The following PLD5 variants were observed in gnomAD, a reference collection of about 807,000 sequenced individuals.
The protein encoded by PLD5 is phospholipase D family member 5.
Under a neutral mutation model 61.1 loss-of-function variants are expected in PLD5, and 36 were observed. The ratio of observed to expected loss-of-function variants is 0.59; its 90% CI spans 0.45 to 0.78. The LOEUF is 0.78. PLD5 is among the 30% of genes least tolerant of loss of function. The pLI, the probability that PLD5 is intolerant of heterozygous loss-of-function variation, is 0.00. For synonymous variants in PLD5, 243 were observed against 242.8 expected (o/e 1.00, Z -0.01); for missense variants, 515 against 644.4 (o/e 0.80, Z 2.17).
chr1:242,523,134 T>G (rs1411645142), intron 1 of PLD5, among the ~76,000 whole-genome samples: 1 of 152,016 alleles, frequency 6.6e-6, no homozygotes. Context: ...ATTGTTGGCG[T>G]CCTGACCCAA....
intron 4 of PLD5, among the ~76,000 whole-genome samples, chr1:242,246,162 G>A (rs896633812): frequency 6.6e-6 from 1 of 151,998 alleles, no homozygotes; most frequent in South Asian, 2.1e-4. Flanking sequence ...GGGGCCAGGA[G>A]TTCAAGACCA....
At chr1:242,170,739 C>T (rs1028885324) in intron 5 of PLD5, among the ~76,000 whole-genome samples, 5 of 151,984 alleles carry the variant, frequency 3.3e-5, no homozygotes, top group East Asian at 1.9e-4. Context: ...AAAAACACAG[C>T]GTGAGAACTT....
At chr1:242,114,869 T>A (rs1228127857) in intron 6 of PLD5, among the ~76,000 whole-genome samples, 1 of 151,926 alleles carries the variant, frequency 6.6e-6, no homozygotes, top group Non-Finnish European at 1.5e-5. Flanking sequence ...TATATTACAA[T>A]GTAATAATAA....
At chr1:242,435,034 C>A (rs1665922133) in intron 1 of PLD5, among the ~76,000 whole-genome samples, 1 of 143,080 alleles carries the variant, frequency 7.0e-6, no homozygotes, top group Admixed American at 6.8e-5. Context: ...CCCCTCCTCA[C>A]TCCCCAGCCC....
At chr1:242,112,492 C>T (rs1484479781) in intron 7 of PLD5, among the ~76,000 whole-genome samples, 2 of 151,906 alleles carry the variant, frequency 1.3e-5, no homozygotes, top group Non-Finnish European at 2.9e-5. Flanking sequence ...CGCCACCACA[C>T]CCAGCTAATT....
chr1:242,492,494 T>C lies in PLD5; in HGVS notation c.189+31594A>G, dbSNP rs535300216. ...CCGAGATCACACCATTGCACTCCAG[T>C]ATGGATAACAAGAGCAAAACTCCGT... On this transcript the variant is annotated intron_variant, in intron 1 of 9. Coordinates refer to ENST00000536534, the MANE Select transcript of PLD5 (RefSeq NM_001372062.1). Among the ~76,000 whole-genome samples the C allele has an allele frequency of 2.7e-4, 38 of 141,956 alleles. 1 individual carries two copies. The highest frequency in any genetic ancestry group is 1.0e-3 in the African/African-American group (38 of 37,192). 93.1% of individuals were successfully genotyped at this position (141,956 alleles called of 152,430 possible).
chr1:242,290,677 G>C (rs527569809), intron 2 of PLD5, among the ~76,000 whole-genome samples: 2 of 152,066 alleles, frequency 1.3e-5, no homozygotes, highest in South Asian at 4.2e-4. Context: ...CTTGAATTTG[G>C]TCAGTGAGAA....
chr1:242,125,777 C>G (rs1662734653), intron 5 of PLD5, among the ~76,000 whole-genome samples: 1 of 152,098 alleles, frequency 6.6e-6, no homozygotes, highest in South Asian at 2.1e-4. Flanking sequence ...GAGAGGTCAT[C>G]TACCATGTAT....
At chr1:242,319,711 A>C (rs566468536) in intron 2 of PLD5, among the ~76,000 whole-genome samples, 1 of 152,316 alleles carries the variant, frequency 6.6e-6, no homozygotes, top group East Asian at 1.9e-4. Context: ...ACAGAACTGA[A>C]AAGTCATCTC....
chr1:242,116,218 C>T (rs886064477), intron 6 of PLD5, among the ~76,000 whole-genome samples: 1 of 152,130 alleles, frequency 6.6e-6, no homozygotes, highest in African/African-American at 2.4e-5. Flanking sequence ...CCCTACACTG[C>T]ACAGTAGGAG....
chr1:242,428,938 A>T (rs1373314685), intron 1 of PLD5, among the ~76,000 whole-genome samples: 1 of 152,196 alleles, frequency 6.6e-6, no homozygotes, highest in Non-Finnish European at 1.5e-5. Context: ...ATGAATGTTG[A>T]GGCTTCCAGG....
Position 242,089,076 on chromosome 1 carries a change from C to T in PLD5, c.*778G>A. 2.7e-6 allele frequency: 1 copy of T among 365,274 alleles called. No individual in the cohort carries two copies. 22.6% of individuals were successfully genotyped at this position (365,274 alleles called of 1,614,324 possible). A position where few individuals can be genotyped will look rare whatever the true frequency, so the allele number is the denominator to read the frequency against. On this transcript the variant is annotated 3_prime_UTR_variant, in exon 10 of 10. Transcript: ENST00000536534. ...TGAGAGAAAGGATACATATTGCTGA[C>T]TGTGATTTTTTTTAAATACCAATTC...
intron 5 of PLD5, among the ~76,000 whole-genome samples, chr1:242,218,138 C>T (rs1458537744): frequency 3.9e-5 from 6 of 152,256 alleles, no homozygotes; most frequent in Admixed American, 6.5e-5. Flanking sequence ...TTGCTATAGC[C>T]ACCCTAGCCT....
chr1:242,216,945 T>C lies in PLD5; in HGVS notation c.735+3043A>G, dbSNP rs1485403021. Among the ~76,000 whole-genome samples the C allele has an allele frequency of 3.3e-5, 5 of 152,354 alleles. No individual in the cohort carries two copies. The South Asian group carries it at 8.3e-4, about 25-fold the overall frequency. On this transcript the variant is annotated intron_variant, in intron 5 of 9. Transcript: ENST00000536534. ...AAAATTGTGGGACCCTTAAGAATTA[T>C]GCTAAATCAACTCTGCCTGTGCTCT...
intron 1 of PLD5, among the ~76,000 whole-genome samples, chr1:242,411,087 C>T (rs1018385187): frequency 1.3e-5 from 2 of 152,246 alleles, no homozygotes; most frequent in African/African-American, 2.4e-5. Context: ...AAATAAATCA[C>T]GATTAACAGA....
intron 1 of PLD5, among the ~76,000 whole-genome samples, chr1:242,503,347 G>T (rs1668618797): frequency 6.6e-6 from 1 of 152,150 alleles, no homozygotes; most frequent in Admixed American, 6.5e-5. Context: ...GCGTCGTCCT[G>T]CTTCTGCTTT....
At chr1:242,514,036 T>C (rs1205116321) in intron 1 of PLD5, among the ~76,000 whole-genome samples, 3 of 152,218 alleles carry the variant, frequency 2.0e-5, no homozygotes, top group Non-Finnish European at 2.9e-5. Context: ...GTCTCCCCAA[T>C]TCTAGGCTCT....
intron 1 of PLD5, among the ~76,000 whole-genome samples, chr1:242,421,741 C>T (rs994920485): frequency 1.3e-5 from 2 of 152,158 alleles, no homozygotes; most frequent in Non-Finnish European, 2.9e-5. Flanking sequence ...TACACAACTG[C>T]AAGTTTCCTT....
intron 2 of PLD5, among the ~76,000 whole-genome samples, chr1:242,313,457 A>C (rs1423842223): frequency 6.6e-6 from 1 of 152,172 alleles, no homozygotes; most frequent in Non-Finnish European, 1.5e-5. Flanking sequence ...TTACCTATCT[A>C]AGGTCTAATG....
Sources: allele counts gnomAD v4.1 joint callset (sites outside exome capture counted in the v4.1 genomes callset), GRCh38; gene constraint gnomAD v4.1.1; transcripts MANE v1.5; gene names NCBI Gene and HGNC (gene_info 2026-07-23, HGNC 2026-07-21).